The following SLC1A7 variants were observed in gnomAD, a reference collection of about 807,000 sequenced individuals.
The protein encoded by SLC1A7 is solute carrier family 1 member 7.
A neutral mutation model predicts 47.7 loss-of-function variants in SLC1A7; 40 were observed. The ratio of observed to expected loss-of-function variants is 0.84; its 90% CI spans 0.65 to 1.09. SLC1A7 has a LOEUF of 1.09. Among genes scored for constraint, SLC1A7 ranks in the 50% least tolerant of loss-of-function variants. The pLI, the probability that SLC1A7 is intolerant of heterozygous loss-of-function variation, is 0.00. For synonymous variants in SLC1A7, 323 were observed against 325.6 expected (o/e 0.99, Z 0.09); for missense variants, 746 against 769.5 (o/e 0.97, Z 0.36).
At chr1:53,127,409 C>A (rs986442682) in intron 2 of SLC1A7, among the ~76,000 whole-genome samples, 1 of 152,148 alleles carries the variant, frequency 6.6e-6, no homozygotes, top group Non-Finnish European at 1.5e-5. Context: ...TCAACCCAAG[C>A]CGGCTCCAGG....
intron 5 of SLC1A7, among the ~76,000 whole-genome samples, chr1:53,098,371 A>G (rs1352188620): frequency 2.7e-5 from 4 of 149,216 alleles, no homozygotes; most frequent in South Asian, 2.1e-4. Context: ...TGGTACACAC[A>G]TACGGTCACA....
intron 5 of SLC1A7, among the ~76,000 whole-genome samples, chr1:53,101,624 G>C (rs1337855725): frequency 6.7e-6 from 1 of 148,810 alleles, no homozygotes; most frequent in Admixed American, 6.7e-5. Context: ...CCCCACCTCA[G>C]TACACTCACA....
At chr1:53,127,617 T>A (rs1342120758) in intron 2 of SLC1A7, among the ~76,000 whole-genome samples, 1 of 152,208 alleles carries the variant, frequency 6.6e-6, no homozygotes, top group African/African-American at 2.4e-5. Context: ...GGTGGTGGGA[T>A]GTCTCCCTGT....
intron 8 of SLC1A7, chr1:53,090,323 T>A: frequency 5.5e-6 from 3 of 540,730 alleles, no homozygotes. Context: ...CTGTGAGGCC[T>A]CCGTCAGCCT....
Position 53,117,538 on chromosome 1 carries a change from C to T in SLC1A7, c.216-2565G>A, listed in dbSNP as rs529889989. ...GCAGCCATCCGGAGTGATCGTGTCC[C>T]TGGAAGGGTGTTCCTAAATCAATGC... On this transcript the variant is annotated intron_variant, in intron 2 of 10. Coordinates refer to ENST00000371494, the MANE Select transcript of SLC1A7 (RefSeq NM_006671.6). 2.6e-4 allele frequency among the ~76,000 whole-genome samples: 39 copies of T among 152,320 alleles called. 1 individual carries two copies. The South Asian group carries it at 7.9e-3, about 31-fold the overall frequency.
At position 53,089,890 on chromosome 1, in the gene SLC1A7, T is replaced by G. The variant is rs1434061330; in HGVS notation, c.1271A>C (p.Gln424Pro). Reference protein sequence around the residue: ...AASIGAAGIPQAGLVTMVIVL... With the variant: ...AASIGAAGIPPAGLVTMVIVL... ...GATGACCATGGTGACGAGGCCGGCC[T>G]GGGGGATGCCAGCTGCCCCAATGCT... The change falls in exon 9 of 11, where the codon CAG (glutamine) becomes CCG (proline). Residue 424 changes from glutamine to proline, a missense_variant. Coordinates refer to ENST00000371494, the MANE Select transcript of SLC1A7 (RefSeq NM_006671.6). The G allele has an allele frequency of 3.1e-6, 5 of 1,613,456 alleles. No homozygotes were observed. The highest frequency in any genetic ancestry group is 1.1e-5 in the South Asian group (1 of 91,068).
rs756830264 is a variant in SLC1A7 at position 53,103,583 on chromosome 1, C to A, written c.475-15G>T. On this transcript the variant is annotated splice_polypyrimidine_tract_variant and intron_variant, in intron 4 of 10. Coordinates refer to ENST00000371494, the MANE Select transcript of SLC1A7 (RefSeq NM_006671.6). ...TTGGTGCGGTACTGGTGGGTGACAC[C>A]CCACCCAGAGAGAAGTCAGGGCCAA... 6.6e-7 allele frequency: 1 copy of A among 1,522,038 alleles called. No homozygotes were observed. The highest frequency in any genetic ancestry group is 8.9e-7 in the Non-Finnish European group (1 of 1,125,686). 94.3% of individuals were successfully genotyped at this position (1,522,038 alleles called of 1,614,324 possible).
In SLC1A7 at chr1:53,134,488, G is replaced by A. The variant is rs116153701; in HGVS notation, c.136-59C>T. ...GAGATGCAGACTGCACAGTGGTTCC[G>A]TTCTTCACAGTCTTTGAAGCACTAT... is the stretch of plus-strand genomic sequence containing the variant. On this transcript the variant is annotated intron_variant, in intron 1 of 10. Coordinates refer to ENST00000371494, the MANE Select transcript of SLC1A7 (RefSeq NM_006671.6). 955 of 1,104,408 alleles carry A rather than the reference G, an allele frequency of 8.6e-4. 4 individuals carry two copies. The African/African-American group carries it at 0.013, about 15-fold the overall frequency. The allele number at this position is 1,104,408 out of a possible 1,614,324, so 68.4% of individuals were successfully genotyped here.
intron 7 of SLC1A7, among the ~76,000 whole-genome samples, chr1:53,092,255 G>A (rs747873414): frequency 6.6e-6 from 1 of 152,254 alleles, no homozygotes; most frequent in Non-Finnish European, 1.5e-5. Context: ...GCAGCAGTGC[G>A]TTGCCAATGT....
At chr1:53,104,950 G>T (rs1014417857) in intron 4 of SLC1A7, among the ~76,000 whole-genome samples, 1 of 152,214 alleles carries the variant, frequency 6.6e-6, no homozygotes, top group Non-Finnish European at 1.5e-5. Flanking sequence ...ACTGAAAGGG[G>T]GAGTGGGAAA....
chr1:53,101,691 CG>C (rs1161808466), intron 5 of SLC1A7, among the ~76,000 whole-genome samples: 1 of 148,660 alleles, frequency 6.7e-6, no homozygotes, highest in Non-Finnish European at 1.5e-5. Context: ...AACCATGTCT[CG>C]GTACACTCAC....
intron 2 of SLC1A7, 133 bp downstream of exon 2, chr1:53,134,216 TA>T: frequency 1.7e-6 from 1 of 604,976 alleles, no homozygotes; most frequent in Middle Eastern, 4.5e-4. Context: ...GCACTGCCCA[TA>T]AAGGCCCCAC....
intron 8 of SLC1A7, 43 bp downstream of exon 8, chr1:53,090,569 C>CGT (rs1644408569): frequency 6.6e-7 from 1 of 1,510,820 alleles, no homozygotes; most frequent in African/African-American, 1.4e-5. Flanking sequence ...CCCAAGGCCC[C>CGT]CAGCCCCCGC....
At chr1:53,094,723 C>T (rs1483197458) in intron 5 of SLC1A7, among the ~76,000 whole-genome samples, 1 of 152,204 alleles carries the variant, frequency 6.6e-6, no homozygotes, top group African/African-American at 2.4e-5. Flanking sequence ...ACTCCCCTGC[C>T]GGCTCCGCCC....
chr1:53,090,057 G>GTCCC, intron 8 of SLC1A7, 123 bp from the exon 9 acceptor site: 5 of 1,007,212 alleles, frequency 5.0e-6, no homozygotes, highest in African/African-American at 1.6e-5. Context: ...CGGGGGGTGG[G>GTCCC]TAGGAATGCC....
At position 53,087,973 on chromosome 1, in the gene SLC1A7, C is replaced by T. The variant is rs773824439; in HGVS notation, c.*36G>A. On this transcript the variant is annotated 3_prime_UTR_variant, in exon 11 of 11. Transcript: ENST00000371494. ...CGAGTTCCTGCCTCAGGACCCTGCC[C>T]CTGGAGGCCTCGCCTGCCCCTGCAG... is the stretch of plus-strand genomic sequence containing the variant. 7 of 1,176,254 alleles carry T rather than the reference C, an allele frequency of 6.0e-6. No homozygotes were observed. The highest frequency in any genetic ancestry group is 4.5e-6 in the Non-Finnish European group (4 of 897,574). 72.9% of individuals were successfully genotyped at this position (1,176,254 alleles called of 1,614,324 possible). A position where few individuals can be genotyped will look rare whatever the true frequency, so the allele number is the denominator to read the frequency against.
intron 5 of SLC1A7, among the ~76,000 whole-genome samples, chr1:53,095,570 C>CACA (rs1644476945): frequency 6.8e-6 from 1 of 146,388 alleles, no homozygotes; most frequent in African/African-American, 2.5e-5. Context: ...GTACACTCAC[C>CACA]CTGCCTCGAT....
chr1:53,100,164 ACAC>A (rs749152298), intron 5 of SLC1A7, among the ~76,000 whole-genome samples: 2 of 139,762 alleles, frequency 1.4e-5, no homozygotes, highest in African/African-American at 2.8e-5. Context: ...ACACCCACAC[ACAC>A]CACCTCAGTA....
intron 2 of SLC1A7, among the ~76,000 whole-genome samples, chr1:53,120,581 T>A (rs371940362): frequency 5.9e-5 from 9 of 152,312 alleles, no homozygotes; most frequent in Admixed American, 2.0e-4. Context: ...CCACCATCCC[T>A]TCCCCAACCC....
Sources: gnomAD v4.1 joint callset for allele counts (sites outside exome capture counted in the v4.1 genomes callset) on GRCh38, gnomAD v4.1.1 for gene constraint, MANE v1.5 for transcripts, NCBI Gene and HGNC (gene_info 2026-07-23, HGNC 2026-07-21) for gene names.